Variants in CSMD1 observed in about 807,000 individuals in gnomAD.
CSMD1 encodes CUB and Sushi multiple domains 1, also known as CUB and sushi domain-containing protein 1.
CSMD1 carries 213 observed loss-of-function variants against 417.5 expected under a neutral mutation model. That is an observed-to-expected ratio of 0.51 (90% CI 0.46 to 0.57). CSMD1 has a LOEUF of 0.57. Ranked by LOEUF, CSMD1 falls within the 20% of genes least tolerant of loss-of-function variation. The pLI, the probability that CSMD1 is intolerant of heterozygous loss-of-function variation, is 0.00. For missense variants in CSMD1, 6,923 were observed against 4,529.7 expected (o/e 1.53, Z -15.17); for synonymous variants, 2,862 against 1,736.8 (o/e 1.65, Z -16.11).
At chr8:2,989,606 T>C (rs1464987053) in intron 54 of CSMD1, among the ~76,000 whole-genome samples, 3 of 152,190 alleles carry the variant, frequency 2.0e-5, no homozygotes, top group Non-Finnish European at 4.4e-5. Context: ...ATCAACGAAT[T>C]TGTTTAAGCT....
chr8:4,891,430 G>A (rs13251949), intron 1 of CSMD1, among the ~76,000 whole-genome samples: 49,316 of 151,924 alleles, frequency 0.32, 8,209 homozygotes, highest in East Asian at 0.43. Context: ...TCTGATACAT[G>A]CTACTGTGTG....
chr8:3,622,659 T>C (rs1796310309), intron 7 of CSMD1, among the ~76,000 whole-genome samples: 1 of 152,204 alleles, frequency 6.6e-6, no homozygotes, highest in South Asian at 2.1e-4. Flanking sequence ...AAAAAGTGAT[T>C]AGAGATTAAA....
intron 2 of CSMD1, among the ~76,000 whole-genome samples, chr8:4,628,593 C>A (rs1802302816): frequency 8.5e-6 from 1 of 117,798 alleles, no homozygotes; most frequent in South Asian, 3.3e-4. Flanking sequence ...AGAGAACACA[C>A]ACAGGAAAAA....
intron 2 of CSMD1, among the ~76,000 whole-genome samples, chr8:4,621,253 T>C (rs775896998): frequency 4.6e-5 from 7 of 152,084 alleles, no homozygotes; most frequent in Non-Finnish European, 8.8e-5. Flanking sequence ...ACATCTTATA[T>C]ACATAACCTG....
intron 17 of CSMD1, among the ~76,000 whole-genome samples, 169 bp from the exon 18 acceptor site, chr8:3,387,851 T>G (rs561376460): frequency 2.0e-5 from 3 of 152,230 alleles, no homozygotes; most frequent in South Asian, 4.1e-4. Context: ...CTTCAAACAT[T>G]TGACCTCGTT....
At chr8:3,168,383 T>C (rs1280761140) in intron 37 of CSMD1, among the ~76,000 whole-genome samples, 5 of 152,196 alleles carry the variant, frequency 3.3e-5, no homozygotes, top group Non-Finnish European at 4.4e-5. Context: ...CGCACAGGTA[T>C]GGCACACCCT....
chr8:3,165,405 T>C (rs1318024313), intron 37 of CSMD1, among the ~76,000 whole-genome samples: 1 of 151,752 alleles, frequency 6.6e-6, no homozygotes, highest in Non-Finnish European at 1.5e-5. Context: ...AGAACAGTGG[T>C]TTTTAATTTT....
At chr8:4,431,574 C>T (rs1043511020) in intron 2 of CSMD1, among the ~76,000 whole-genome samples, 1 of 152,140 alleles carries the variant, frequency 6.6e-6, no homozygotes. Flanking sequence ...CATTTCAAAA[C>T]TTTGCTCTGA....
chr8:2,962,521 G>T lies in CSMD1; in HGVS notation c.9573C>A (p.Ser3191=), dbSNP rs4876056. The T allele has an allele frequency of 0.045, 71,896 of 1,613,718 alleles. 4,644 individuals carry two copies. The highest frequency in any genetic ancestry group is 0.3 in the African/African-American group (22,782 of 74,938). ...TGCCGTCAGCTTGGCAGACTCTTCTGGAGGATCCCACGAGTATAAATGGAG... is the reference window on the plus strand; with the variant it reads ...TGCCGTCAGCTTGGCAGACTCTTCTTGAGGATCCCACGAGTATAAATGGAG... The part of the protein sequence containing the change: ...CKSPFILVGS[S]RRVCQADGTW... Residue 3191 remains serine (S), a synonymous_variant, in exon 61 of 70, where the codon TCC becomes TCA. Transcript: ENST00000635120.
intron 49 of CSMD1, among the ~76,000 whole-genome samples, chr8:3,064,616 T>C (rs567008824): frequency 6.6e-6 from 1 of 152,244 alleles, no homozygotes; most frequent in Admixed American, 6.5e-5. Flanking sequence ...GAAATAAACA[T>C]ATGATCCAAA....
intron 2 of CSMD1, among the ~76,000 whole-genome samples, chr8:4,520,324 T>C (rs1217762136): frequency 6.6e-6 from 1 of 152,220 alleles, no homozygotes; most frequent in Non-Finnish European, 1.5e-5. Flanking sequence ...ACATTTGCTG[T>C]AGATAATAGT....
At chr8:3,916,795 A>C (rs1808860333) in intron 5 of CSMD1, among the ~76,000 whole-genome samples, 2 of 152,112 alleles carry the variant, frequency 1.3e-5, no homozygotes, top group Non-Finnish European at 2.9e-5. Context: ...ATTTCAAAAT[A>C]AGGCTGTGAA....
chr8:4,193,837 C>A (rs1431760381), intron 3 of CSMD1, among the ~76,000 whole-genome samples: 2 of 151,852 alleles, frequency 1.3e-5, no homozygotes, highest in Non-Finnish European at 2.9e-5. Flanking sequence ...TACAGTTCAG[C>A]CGTGTTTCCC....
intron 5 of CSMD1, among the ~76,000 whole-genome samples, chr8:3,845,765 C>G (rs34741712): frequency 0.29 from 44,099 of 151,992 alleles, 6,516 homozygotes; most frequent in Non-Finnish European, 0.32. Flanking sequence ...TCAGAACATA[C>G]TTTGTACAGC....
chr8:4,945,845 C>T (rs1490222051), intron 1 of CSMD1, among the ~76,000 whole-genome samples: 3 of 152,088 alleles, frequency 2.0e-5, no homozygotes, highest in Non-Finnish European at 4.4e-5. Flanking sequence ...TCACGCCTTG[C>T]CACTGAAACT....
At chr8:4,355,694 T>C (rs1801389128) in intron 3 of CSMD1, among the ~76,000 whole-genome samples, 1 of 152,172 alleles carries the variant, frequency 6.6e-6, no homozygotes, top group Non-Finnish European at 1.5e-5. Context: ...TTCCTACCAA[T>C]CCCACTCCAA....
intron 1 of CSMD1, among the ~76,000 whole-genome samples, chr8:4,805,839 C>G (rs1046370778): frequency 6.6e-6 from 1 of 152,092 alleles, no homozygotes; most frequent in Non-Finnish European, 1.5e-5. Flanking sequence ...AAAGTGGAAG[C>G]TCATTGTGGG....
chr8:4,731,039 A>G (rs921801520), intron 1 of CSMD1, among the ~76,000 whole-genome samples: 15 of 152,158 alleles, frequency 9.9e-5, no homozygotes, highest in African/African-American at 3.6e-4. Flanking sequence ...TAACGAATGA[A>G]GAGTATGGAG....
intron 3 of CSMD1, among the ~76,000 whole-genome samples, chr8:4,111,161 GAA>G (rs1365859064): frequency 1.3e-5 from 2 of 152,146 alleles, no homozygotes; most frequent in Non-Finnish European, 2.9e-5. Context: ...ATTTCGGACA[GAA>G]AAGTTTCCCT....
Sources: allele counts gnomAD v4.1 joint callset (sites outside exome capture counted in the v4.1 genomes callset), GRCh38; gene constraint gnomAD v4.1.1; transcripts MANE v1.5; gene names NCBI Gene and HGNC (gene_info 2026-07-23, HGNC 2026-07-21).